Variants in USP20 observed in about 807,000 individuals in gnomAD.
The protein encoded by USP20 is ubiquitin carboxyl-terminal hydrolase 20.
Under a neutral mutation model 124.2 loss-of-function variants are expected in USP20, and 80 were observed. That is an observed-to-expected ratio of 0.64 (90% CI 0.54 to 0.78). USP20 has a LOEUF of 0.78. Among genes scored for constraint, USP20 ranks in the 30% least tolerant of loss-of-function variants. USP20 has a pLI of 0.00. For synonymous variants in USP20, 481 were observed against 512.3 expected (o/e 0.94, Z 0.83); for missense variants, 1,043 against 1,244.4 (o/e 0.84, Z 2.44).
At chr9:129,863,067 G>T in intron 8 of USP20, 119 bp from the exon 9 acceptor site, 1 of 617,846 alleles carries the variant, frequency 1.6e-6, no homozygotes, top group Non-Finnish European at 2.6e-6. Context: ...GGAGTTTCTG[G>T]GTCCAGGGCC....
intron 3 of USP20, among the ~76,000 whole-genome samples, chr9:129,853,507 A>G (rs573346958): frequency 6.6e-6 from 1 of 152,218 alleles, no homozygotes; most frequent in Non-Finnish European, 1.5e-5. Context: ...CCATGGGCAG[A>G]GCTGCATGCA....
At position 129,874,860 on chromosome 9, in the gene USP20, G is replaced by C. The variant is rs1304730649; in HGVS notation, c.1953G>C (p.Val651=). 2 of 1,614,038 alleles carry C rather than the reference G, an allele frequency of 1.2e-6. No homozygotes were observed. Among genetic ancestry groups the C allele is most frequent in the African/African-American group, 1.3e-5 (1 of 74,932 alleles). The change falls in exon 19 of 26, where the codon GTG becomes GTC. Residue 651 remains valine (V), a synonymous_variant. Transcript: ENST00000372429. ...ACTACATCGCCTACTGCCAGAACGT[G>C]ATCAATGGGCAGTGGTACGAGTTTG... ...SGHYIAYCQN[V]INGQWYEFDD...
intron 22 of USP20, among the ~76,000 whole-genome samples, 179 bp downstream of exon 22, chr9:129,876,417 T>G (rs1484526528): frequency 6.6e-6 from 1 of 152,102 alleles, no homozygotes; most frequent in African/African-American, 2.4e-5. Context: ...GACGAACAGA[T>G]CACTTGAGGT....
In USP20 at chr9:129,874,739, A is replaced by C. The variant is rs1261930806; in HGVS notation, c.1904A>C (p.His635Pro). The stretch of plus-strand genomic sequence containing the variant: ...TACGACCTCCTCTCGGTCATCTGCC[A>C]CCACGGCACGGCAGGCAGTGAGTCA... ...TTYDLLSVIC[H>P]HGTAGSGHYI... The change falls in exon 18 of 26, where the codon CAC becomes CCC. Residue 635 changes from histidine (H) to proline (P), a missense_variant. Coordinates refer to ENST00000372429, the MANE Select transcript of USP20 (RefSeq NM_001110303.4). 2 of 1,613,854 alleles carry C rather than the reference A, an allele frequency of 1.2e-6. No homozygotes were observed. Among genetic ancestry groups the C allele is most frequent in the Non-Finnish European group, 1.7e-6 (2 of 1,179,990 alleles).
In USP20 at chr9:129,868,979, C is replaced by A. The variant is rs1240320537; in HGVS notation, c.1253C>A (p.Ala418Glu). The change falls in exon 12 of 26, where the codon GCA (alanine) becomes GAA (glutamate). Residue 418 changes from alanine (A) to glutamate (E), a missense_variant. By Grantham distance (107) the Ala-to-Glu change is moderately radical (BLOSUM62 -1). Coordinates refer to ENST00000372429, the MANE Select transcript of USP20 (RefSeq NM_001110303.4). ...SPPRASPVRM[A>E]PSYVLKKAQV... is the part of the protein sequence containing the mutation. ...CCTCGTGCAAGCCCCGTGAGGATGG[C>A]ACCGTCGTACGTGCTCAAGAAAGGT... The A allele has an allele frequency of 6.2e-7, 1 of 1,611,444 alleles. No individual in the cohort carries two copies. The highest frequency in any genetic ancestry group is 8.5e-7 in the Non-Finnish European group (1 of 1,178,692).
At position 129,879,499 on chromosome 9, in the gene USP20, TG is replaced by T; in HGVS notation, c.2513-71del. 1 of 1,544,842 alleles carries T rather than the reference TG, an allele frequency of 6.5e-7. No homozygotes were observed. The highest frequency in any genetic ancestry group is 1.1e-5 in the South Asian group (1 of 88,834). ...CCCCCAGGCCTGGGGCGGCCCCACTTGGGATGGCTCTGCTGCTGTGGAGGGT... is the reference window on the plus strand; with the variant it reads ...CCCCCAGGCCTGGGGCGGCCCCACTTGGATGGCTCTGCTGCTGTGGAGGGT... On this transcript the variant is annotated intron_variant, in intron 23 of 25. Transcript: ENST00000372429. This position sits in a 1 kb window ranked among gnomAD's most constrained non-coding sequence, Gnocchi z 4.2.
At chr9:129,856,389 G>A (rs1322642132) in intron 4 of USP20, 29 bp downstream of exon 4, 15 of 1,611,844 alleles carry the variant, frequency 9.3e-6, no homozygotes, top group African/African-American at 4.0e-5. Flanking sequence ...CATCAGGGGT[G>A]TAGAGCTGCT....
intron 17 of USP20, among the ~76,000 whole-genome samples, 157 bp downstream of exon 17, chr9:129,873,901 G>C (rs1157333038): frequency 6.6e-6 from 1 of 152,204 alleles, no homozygotes; most frequent in African/African-American, 2.4e-5. Flanking sequence ...TCTGGGAAGG[G>C]TTGGCAGGGG....
rs954314646 is a variant in USP20 at position 129,880,539 on chromosome 9, G to A, written c.*89G>A. The A allele has an allele frequency of 2.7e-5, 13 of 474,890 alleles. No homozygotes were observed. Among genetic ancestry groups the A allele is most frequent in the Non-Finnish European group, 4.9e-5 (13 of 263,518 alleles). 29.4% of individuals were successfully genotyped at this position (474,890 alleles called of 1,614,324 possible). On this transcript the variant is annotated 3_prime_UTR_variant, in exon 26 of 26. Coordinates refer to ENST00000372429, the MANE Select transcript of USP20 (RefSeq NM_001110303.4). Reference sequence around the variant, plus strand: ...GGCCGGGCTGCTGCAGAACCCCGCCGTGTAAAGAGGCAGAAAAGTTGGTTT... The same window carrying A: ...GGCCGGGCTGCTGCAGAACCCCGCCATGTAAAGAGGCAGAAAAGTTGGTTT...
intron 22 of USP20, among the ~76,000 whole-genome samples, chr9:129,877,173 G>T (rs150171343): frequency 3.9e-5 from 6 of 152,306 alleles, no homozygotes; most frequent in Non-Finnish European, 8.8e-5. Flanking sequence ...CACTCACAGG[G>T]AGGGCCTGGT....
chr9:129,855,770 G>A (rs1490929736), intron 3 of USP20, among the ~76,000 whole-genome samples: 1 of 152,166 alleles, frequency 6.6e-6, no homozygotes. Flanking sequence ...AGGAGAGAAA[G>A]GATTCCAGTA....
chr9:129,868,600 T>A, intron 11 of USP20, 151 bp downstream of exon 11: 1 of 1,426,928 alleles, frequency 7.0e-7, no homozygotes, highest in African/African-American at 1.4e-5. Flanking sequence ...GGGGGCTCAG[T>A]GATGTGCCCA....
chr9:129,867,156 T>C, intron 10 of USP20, among the ~76,000 whole-genome samples: 1 of 152,044 alleles, frequency 6.6e-6, no homozygotes, highest in Admixed American at 6.5e-5. Flanking sequence ...CCCAAGTCCT[T>C]CTCCAATGCC....
intron 14 of USP20, chr9:129,870,207 G>A (rs2034047809): frequency 1.7e-6 from 1 of 576,710 alleles, no homozygotes; most frequent in Non-Finnish European, 3.1e-6. Flanking sequence ...CCAGGGAGGG[G>A]GTAGCATGAT....
At chr9:129,867,138 G>T (rs2033856454) in intron 10 of USP20, among the ~76,000 whole-genome samples, 1 of 152,124 alleles carries the variant, frequency 6.6e-6, no homozygotes, top group South Asian at 2.1e-4. Context: ...GCTGATTTGG[G>T]CTCGGAACCC....
intron 2 of USP20, among the ~76,000 whole-genome samples, chr9:129,851,242 G>T (rs540321437): frequency 6.7e-6 from 1 of 150,224 alleles, no homozygotes; most frequent in African/African-American, 2.5e-5. Context: ...TCCCCTAATG[G>T]TAAGAATAAC....
intron 1 of USP20, among the ~76,000 whole-genome samples, chr9:129,846,228 C>CATATATATATATATATATATATAT (rs1159489842): frequency 3.4e-5 from 2 of 59,416 alleles, no homozygotes; most frequent in Non-Finnish European, 5.6e-5. Flanking sequence ...TGCGCCCAGC[C>CATATATATATATATATATATATAT]ATATATATAT....
intron 14 of USP20, 200 bp downstream of exon 14, chr9:129,870,044 G>A (rs988339484): frequency 2.1e-5 from 14 of 656,496 alleles, no homozygotes; most frequent in Non-Finnish European, 3.6e-5. Context: ...GGATTGGATA[G>A]TCCCTTGGAG....
At chr9:129,869,477 C>A in intron 13 of USP20, 52 bp downstream of exon 13, 1 of 1,584,086 alleles carries the variant, frequency 6.3e-7, no homozygotes, top group South Asian at 1.1e-5. Flanking sequence ...GTGGCCTCAG[C>A]AGCTCTTGCC....
Sources: allele counts gnomAD v4.1 joint callset (sites outside exome capture counted in the v4.1 genomes callset), GRCh38; gene constraint gnomAD v4.1.1; non-coding constraint Gnocchi (gnomAD v3.1); transcripts MANE v1.5; gene names NCBI Gene and HGNC (gene_info 2026-07-23, HGNC 2026-07-21).